NF1: variants seen among roughly 807,000 people sequenced by gnomAD.
NF1 encodes neurofibromin.
Under a neutral mutation model 325.7 loss-of-function variants are expected in NF1, and 122 were observed. The ratio of observed to expected loss-of-function variants is 0.37; its 90% CI spans 0.32 to 0.44. The LOEUF is 0.44. Ranked by LOEUF, NF1 falls within the 20% of genes least tolerant of loss-of-function variation. The probability of loss-of-function intolerance (pLI) is 1.00; values close to 1 mark genes in which losing one functional copy is unlikely to be tolerated. For missense variants in NF1, 2,140 were observed against 3,415.4 expected, an observed-to-expected ratio of 0.63 and a Z score of 9.31; for synonymous variants, 1,091 against 1,186.0, an observed-to-expected ratio of 0.92 and a Z score of 1.65.
At chr17:31,313,963 G>C (rs1303433096) in intron 36 of NF1, 1 of 397,814 alleles carries the variant, frequency 2.5e-6, no homozygotes, top group Non-Finnish European at 4.4e-6. Flanking sequence ...ACCAAATTGT[G>C]TGAAAATTTT....
At chr17:31,160,455 A>T (rs573615849) in intron 3 of NF1, among the ~76,000 whole-genome samples, 2 of 152,342 alleles carry the variant, frequency 1.3e-5, no homozygotes, top group South Asian at 4.1e-4. Flanking sequence ...GACAGTGTTT[A>T]TAAGTTTTCT....
At chr17:31,097,294 C>A (rs746020212) in intron 1 of NF1, among the ~76,000 whole-genome samples, 1 of 151,814 alleles carries the variant, frequency 6.6e-6, no homozygotes, top group Non-Finnish European at 1.5e-5. Context: ...CTCGTCTCTA[C>A]TAAAAATACA....
intron 8 of NF1, among the ~76,000 whole-genome samples, chr17:31,190,388 C>T (rs1364786713): frequency 6.6e-6 from 1 of 152,142 alleles, no homozygotes; most frequent in Non-Finnish European, 1.5e-5. Context: ...TATTCAAATG[C>T]AAAATATACA....
chr17:31,183,150 A>G (rs981815861), intron 8 of NF1: 1 of 286,502 alleles, frequency 3.5e-6, no homozygotes, highest in Non-Finnish European at 6.4e-6. Context: ...CTATAGTGAA[A>G]TTGGCACCAT....
At position 31,309,057 on chromosome 17, in the gene NF1, G is replaced by A. The variant is rs147556135; in HGVS notation, c.4836-16763G>A. Among the ~76,000 whole-genome samples, 111 of 152,150 alleles carry A rather than the reference G, an allele frequency of 7.3e-4. 1 individual carries two copies. The highest frequency in any genetic ancestry group is 2.6e-3 in the African/African-American group (107 of 41,522). On this transcript the variant is annotated intron_variant, in intron 36 of 57. Transcript: ENST00000358273. ...AAATGACTTTATAAGGAAGGTAAAG[G>A]GATCCCTTATTTACAGATAAAGAGA...
At chr17:31,103,871 G>GA (rs202160414) in intron 1 of NF1, among the ~76,000 whole-genome samples, 201 of 151,378 alleles carry the variant, frequency 1.3e-3, no homozygotes, top group African/African-American at 4.1e-3. Context: ...GTAAAGAAAA[G>GA]AAAAAAAACA....
intron 30 of NF1, chr17:31,249,868 T>G: frequency 2.2e-6 from 1 of 450,670 alleles, no homozygotes. Context: ...GAAGAAACAT[T>G]AGTGGGTCTG....
At chr17:31,154,053 ATTTT>A (rs67332557) in intron 1 of NF1, among the ~76,000 whole-genome samples, 259 of 52,708 alleles carry the variant, frequency 4.9e-3, no homozygotes, top group African/African-American at 0.019. Flanking sequence ...AGTTTCTTTG[ATTTT>A]TTTTTTTTTT....
intron 36 of NF1, among the ~76,000 whole-genome samples, chr17:31,315,434 G>A (rs2068995681): frequency 6.6e-6 from 1 of 152,162 alleles, no homozygotes; most frequent in Admixed American, 6.5e-5. Flanking sequence ...CAAAGGATAA[G>A]TGCTTGAAGG....
chr17:31,349,216 T>C lies in NF1; in HGVS notation c.7286T>C (p.Phe2429Ser). ...LVNKHRNCDK[F>S]EVNTQSVAYL... ...AACAAACACAGAAATTGTGACAAAT[T>C]TGAAGTGAATACACAGAGCGTGGCC... Residue 2429 changes from phenylalanine (F) to serine (S), a missense_variant, in exon 49 of 58, where the codon TTT becomes TCT. This residue lies in a region of NF1 where 522 missense variants were observed against 749.0 expected (regional missense o/e 0.70). Coordinates refer to ENST00000358273, the MANE Select transcript of NF1 (RefSeq NM_001042492.3). The C allele has an allele frequency of 6.2e-7, 1 of 1,613,526 alleles. No homozygotes were observed. Among genetic ancestry groups the C allele is most frequent in the Non-Finnish European group, 8.5e-7 (1 of 1,179,818 alleles).
At chr17:31,342,935 C>T (rs150300755) in intron 47 of NF1, 74 bp from the exon 48 acceptor site, 97 of 1,568,276 alleles carry the variant, frequency 6.2e-5, no homozygotes, top group Non-Finnish European at 8.1e-5. Flanking sequence ...TACTATTGAA[C>T]ACAAAATTAA....
At chr17:31,268,549 C>G (rs1363235710) in intron 36 of NF1, among the ~76,000 whole-genome samples, 4 of 150,864 alleles carry the variant, frequency 2.7e-5, no homozygotes, top group Admixed American at 2.0e-4. Context: ...ATTGCTTGAA[C>G]CCGGGAGGTG....
At position 31,230,376 on chromosome 17, in the gene NF1, A is replaced by G. The variant is rs1555614540; in HGVS notation, c.3107A>G (p.Lys1036Arg). The G allele has an allele frequency of 1.2e-6, 2 of 1,613,434 alleles. No homozygotes were observed. The highest frequency in any genetic ancestry group is 1.7e-6 in the Non-Finnish European group (2 of 1,179,542). ...GACCTCTCATTTTGCCAAGAGATGA[A>G]ATTTAGGTGAGTTCTCAAAAGAGCA... ...RDDLSFCQEM[K>R]FRNKMVEYLT... is the part of the protein sequence containing the mutation. Residue 1036 changes from lysine (K) to arginine (R), a missense_variant, in exon 23 of 58, where the codon AAA (lysine) becomes AGA (arginine). By Grantham distance (26) the Lys-to-Arg change is conservative (BLOSUM62 2). This residue lies in a region of NF1 where 380 missense variants were observed against 639.3 expected (regional missense o/e 0.59). Coordinates refer to ENST00000358273, the MANE Select transcript of NF1 (RefSeq NM_001042492.3).
intron 20 of NF1, among the ~76,000 whole-genome samples, chr17:31,228,566 G>GA (rs1420349936): frequency 1.3e-5 from 2 of 151,938 alleles, no homozygotes; most frequent in African/African-American, 4.8e-5. Flanking sequence ...CATCAATTGA[G>GA]AAAAAAACCC....
intron 8 of NF1, among the ~76,000 whole-genome samples, 149 bp from the exon 9 acceptor site, chr17:31,200,254 ATTTAAATGATGACCACTAC>A (rs2066502414): frequency 6.6e-6 from 1 of 152,150 alleles, no homozygotes; most frequent in Admixed American, 6.5e-5. Context: ...TTTGAGAAAC[ATTTAAATGATGACCACTAC>A]TTAAATTATG....
In NF1 at chr17:31,200,537, A is replaced by T. The variant is rs758212945; in HGVS notation, c.1004A>T (p.Asn335Ile). ...VKLCKASTYINWEDNSVIFLL... is the reference protein window; with the variant it reads ...VKLCKASTYIIWEDNSVIFLL... The stretch of plus-strand genomic sequence containing the variant: ...CTGTGTAAAGCAAGTACTTACATCA[A>T]TTGGGAAGATAACTCTGTCATTTTC... The change falls in exon 9 of 58, where the codon AAT becomes ATT. Residue 335 changes from asparagine (N) to isoleucine (I), a missense_variant. Around this residue, in one of 10 missense-constraint regions of NF1, gnomAD observed 179 missense variants for 381.0 expected, o/e 0.47. Coordinates refer to ENST00000358273, the MANE Select transcript of NF1 (RefSeq NM_001042492.3). 6.2e-7 allele frequency: 1 copy of T among 1,614,180 alleles called. No individual in the cohort carries two copies. The highest frequency in any genetic ancestry group is 8.5e-7 in the Non-Finnish European group (1 of 1,180,010).
chr17:31,125,034 C>T (rs927313652), intron 1 of NF1, among the ~76,000 whole-genome samples: 8 of 151,514 alleles, frequency 5.3e-5, no homozygotes, highest in Admixed American at 5.3e-4. Context: ...ACAACATTCC[C>T]AATGCTGTGG....
At chr17:31,122,737 T>G (rs994886840) in intron 1 of NF1, among the ~76,000 whole-genome samples, 3 of 152,186 alleles carry the variant, frequency 2.0e-5, no homozygotes, top group Non-Finnish European at 2.9e-5. Context: ...CAATTGAAGG[T>G]GAATTTTTTA....
chr17:31,153,094 C>G (rs1258405175), intron 1 of NF1, among the ~76,000 whole-genome samples: 2 of 151,668 alleles, frequency 1.3e-5, no homozygotes, highest in Non-Finnish European at 2.9e-5. Context: ...GGACCTTTTT[C>G]CTTTTCTCCC....
Sources: allele counts gnomAD v4.1 joint callset (sites outside exome capture counted in the v4.1 genomes callset), GRCh38; gene constraint gnomAD v4.1.1; regional missense constraint gnomAD v4.1.1; transcripts MANE v1.5; gene names NCBI Gene and HGNC (gene_info 2026-07-23, HGNC 2026-07-21).